ROBO1: variants seen among roughly 807,000 people sequenced by gnomAD.
The protein encoded by ROBO1 is roundabout homolog 1.
ROBO1 carries 149 observed loss-of-function variants against 195.9 expected under a neutral mutation model. The ratio of observed to expected loss-of-function variants is 0.76; its 90% CI spans 0.67 to 0.87. ROBO1 has a LOEUF of 0.87. ROBO1 is among the 40% of genes least tolerant of loss of function. ROBO1 has a pLI of 0.00. For missense variants in ROBO1, 1,933 were observed against 2,068.3 expected (o/e 0.93, Z 1.27); for synonymous variants, 816 against 733.2 (o/e 1.11, Z -1.82).
chr3:79,044,355 C>A (rs1350099410), intron 3 of ROBO1, among the ~76,000 whole-genome samples: 2 of 152,020 alleles, frequency 1.3e-5, no homozygotes, highest in African/African-American at 4.8e-5. Flanking sequence ...AAATAAAGGT[C>A]CTATCTAATA....
chr3:79,096,985 G>A (rs1022752079), intron 3 of ROBO1, among the ~76,000 whole-genome samples: 8 of 151,574 alleles, frequency 5.3e-5, no homozygotes, highest in African/African-American at 1.9e-4. Flanking sequence ...AAATACAATG[G>A]TTAGATATGG....
At position 79,688,333 on chromosome 3, in the gene ROBO1, C is replaced by T. The variant is rs541472569; in HGVS notation, c.-51+79419G>A. On this transcript the variant is annotated intron_variant, in intron 1 of 30. Transcript: ENST00000464233. Reference sequence around the variant, plus strand: ...TGTATACATATGTAACTAACCTGCACGTTGTGCACATGTACCCTAAAACTT... The same window carrying T: ...TGTATACATATGTAACTAACCTGCATGTTGTGCACATGTACCCTAAAACTT... 5.9e-3 allele frequency among the ~76,000 whole-genome samples: 894 copies of T among 151,982 alleles called. 11 individuals carry two copies. The highest frequency in any genetic ancestry group is 0.021 in the African/African-American group (856 of 41,470).
intron 4 of ROBO1, among the ~76,000 whole-genome samples, chr3:78,891,732 CA>C (rs2036908582): frequency 6.6e-6 from 1 of 152,176 alleles, no homozygotes; most frequent in Non-Finnish European, 1.5e-5. Flanking sequence ...GTGATATATT[CA>C]TACACATAGA....
At chr3:79,560,778 A>G (rs1004907255) in intron 2 of ROBO1, among the ~76,000 whole-genome samples, 2 of 151,996 alleles carry the variant, frequency 1.3e-5, no homozygotes, top group Non-Finnish European at 2.9e-5. Flanking sequence ...GCAAAGCAAA[A>G]ATGTACAAAT....
rs79469075 is a variant in ROBO1 at position 79,484,811 on chromosome 3, T to G, written c.88+105013A>C. On this transcript the variant is annotated intron_variant, in intron 2 of 30. Coordinates refer to ENST00000464233, the MANE Select transcript of ROBO1 (RefSeq NM_002941.4). ...GCTCTGTCACCAGGCCAGAGTGCAG[T>G]GGCATGATCTCGGCTCACTGCAAGC... Among the ~76,000 whole-genome samples the G allele has an allele frequency of 4.2e-3, 522 of 125,596 alleles. 3 individuals are homozygous for G. Among genetic ancestry groups the G allele is most frequent in the African/African-American group, 0.015 (498 of 32,504 alleles). The allele number at this position is 125,596 out of a possible 152,430, so 82.4% of individuals were successfully genotyped here. A position where few individuals can be genotyped will look rare whatever the true frequency, so the allele number is the denominator to read the frequency against.
intron 2 of ROBO1, among the ~76,000 whole-genome samples, chr3:79,179,452 A>C (rs1390290930): frequency 6.6e-6 from 1 of 152,234 alleles, no homozygotes; most frequent in African/African-American, 2.4e-5. Flanking sequence ...TGAAGTTAGA[A>C]TAACTTGCTA....
intron 14 of ROBO1, among the ~76,000 whole-genome samples, chr3:78,665,835 C>A (rs183018419): frequency 9.2e-4 from 140 of 152,118 alleles, no homozygotes; most frequent in Middle Eastern, 6.8e-3. Context: ...AAAAAAAAGT[C>A]TTTGATTTCA....
intron 3 of ROBO1, among the ~76,000 whole-genome samples, chr3:78,969,689 A>G (rs28567746): frequency 0.029 from 4,465 of 152,284 alleles, 222 homozygotes; most frequent in African/African-American, 0.1. Context: ...GCAGAGCCAC[A>G]TGTGGAGATT....
At chr3:79,208,686 C>CGTGTGT (rs1559736208) in intron 2 of ROBO1, among the ~76,000 whole-genome samples, 1 of 79,950 alleles carries the variant, frequency 1.3e-5, no homozygotes, top group African/African-American at 5.5e-5. Context: ...GGTGGTGGGG[C>CGTGTGT]ATGTGTGTGT....
intron 4 of ROBO1, among the ~76,000 whole-genome samples, chr3:78,882,010 G>A (rs2036209553): frequency 6.6e-6 from 1 of 152,088 alleles, no homozygotes; most frequent in South Asian, 2.1e-4. Flanking sequence ...TAGATGTGAT[G>A]TTTATGTACC....
In ROBO1 at chr3:78,953,347, A is replaced by G. The variant is rs115281960; in HGVS notation, c.173-14420T>C. ...AGTAACATGCAAACTGAAGAATTTT[A>G]CTTTCTGTAAAATACTGAACAAGTA... On this transcript the variant is annotated intron_variant, in intron 3 of 30. Coordinates refer to ENST00000464233, the MANE Select transcript of ROBO1 (RefSeq NM_002941.4). Among the ~76,000 whole-genome samples the G allele has an allele frequency of 5.5e-3, 828 of 149,858 alleles. 7 individuals carry two copies. The highest frequency in any genetic ancestry group is 0.019 in the African/African-American group (754 of 39,700).
chr3:78,603,825 A>C (rs1372928610), intron 29 of ROBO1, among the ~76,000 whole-genome samples: 1 of 152,142 alleles, frequency 6.6e-6, no homozygotes, highest in Non-Finnish European at 1.5e-5. Context: ...ATAACTCATC[A>C]GTGTACCTCA....
chr3:79,055,679 A>G (rs914578013), intron 3 of ROBO1, among the ~76,000 whole-genome samples: 3 of 152,104 alleles, frequency 2.0e-5, no homozygotes, highest in African/African-American at 7.2e-5. Flanking sequence ...CATGTGATGG[A>G]AAACATGGAG....
chr3:79,101,863 A>G (rs941951264), intron 3 of ROBO1, among the ~76,000 whole-genome samples: 15 of 151,904 alleles, frequency 9.9e-5, no homozygotes, highest in Admixed American at 9.9e-4. Context: ...ATTTAATTTT[A>G]AAGCACAATT....
intron 5 of ROBO1, among the ~76,000 whole-genome samples, chr3:78,725,496 A>G (rs1481698111): frequency 1.3e-5 from 2 of 152,102 alleles, no homozygotes; most frequent in African/African-American, 4.8e-5. Flanking sequence ...TTTTAGGGGT[A>G]AAGACTTCTC....
chr3:79,674,601 T>C (rs1168818552), intron 1 of ROBO1, among the ~76,000 whole-genome samples: 1 of 151,958 alleles, frequency 6.6e-6, no homozygotes, highest in African/African-American at 2.4e-5. Flanking sequence ...TCAGAATATA[T>C]AATTTTGTAG....
At chr3:78,834,492 A>G (rs1228456544) in intron 4 of ROBO1, among the ~76,000 whole-genome samples, 1 of 150,752 alleles carries the variant, frequency 6.6e-6, no homozygotes, top group African/African-American at 2.4e-5. Flanking sequence ...TGAGCTTTTC[A>G]TATTTGATTA....
At chr3:79,590,398 C>A (rs749259605) in intron 1 of ROBO1, among the ~76,000 whole-genome samples, 1 of 151,682 alleles carries the variant, frequency 6.6e-6, no homozygotes, top group African/African-American at 2.4e-5. Flanking sequence ...AAACAAAAAA[C>A]TTGCTCTTCA....
At chr3:79,642,236 A>G (rs1320584606) in intron 1 of ROBO1, among the ~76,000 whole-genome samples, 1 of 152,142 alleles carries the variant, frequency 6.6e-6, no homozygotes, top group Non-Finnish European at 1.5e-5. Flanking sequence ...TCAGAGGAGA[A>G]GAAAGAATGC....
Sources: allele counts gnomAD v4.1 joint callset (sites outside exome capture counted in the v4.1 genomes callset), GRCh38; gene constraint gnomAD v4.1.1; transcripts MANE v1.5; gene names NCBI Gene and HGNC (gene_info 2026-07-23, HGNC 2026-07-21).